CACNG4: variants seen among roughly 807,000 people sequenced by gnomAD.
CACNG4 encodes the protein calcium voltage-gated channel auxiliary subunit gamma 4, also known as voltage-dependent calcium channel gamma-4 subunit.
In CACNG4, 8 loss-of-function variants were observed where a neutral mutation model predicts 22.9. The observed-to-expected ratio is 0.35, with a 90% CI of 0.21 to 0.63. The LOEUF (loss-of-function observed/expected upper bound fraction) is 0.63, where lower values mean the gene tolerates loss of function less well. Ranked by LOEUF, CACNG4 falls within the 30% of genes least tolerant of loss-of-function variation. The probability of loss-of-function intolerance (pLI) is 0.72; values close to 1 mark genes in which losing one functional copy is unlikely to be tolerated. For synonymous variants in CACNG4, 188 were observed against 191.9 expected (o/e 0.98, Z 0.17); for missense variants, 357 against 455.4 (o/e 0.78, Z 1.97).
At chr17:66,989,318 T>C (rs9900980) in intron 1 of CACNG4, among the ~76,000 whole-genome samples, 30,618 of 150,672 alleles carry the variant, frequency 0.2, 6,308 homozygotes, top group African/African-American at 0.5. Context: ...TAGACTGGGT[T>C]CTTATAAAAA....
At chr17:67,021,957 A>G (rs551542632) in intron 2 of CACNG4, among the ~76,000 whole-genome samples, 1 of 152,294 alleles carries the variant, frequency 6.6e-6, no homozygotes, top group Admixed American at 6.5e-5. Context: ...TGGCATCTGC[A>G]CATCCACAGC....
intron 2 of CACNG4, among the ~76,000 whole-genome samples, chr17:67,023,297 A>T (rs2035543052): frequency 1.0e-5 from 1 of 98,364 alleles, no homozygotes; most frequent in Admixed American, 1.3e-4. Flanking sequence ...TTTTTTTGAG[A>T]CAGAGTCTCG....
chr17:67,006,538 T>C (rs1042798995), intron 1 of CACNG4, among the ~76,000 whole-genome samples: 1 of 152,074 alleles, frequency 6.6e-6, no homozygotes, highest in African/African-American at 2.4e-5. Flanking sequence ...TGGGCCGCCA[T>C]ATGCCAAGTA....
intron 2 of CACNG4, among the ~76,000 whole-genome samples, chr17:67,019,022 C>G (rs1249615976): frequency 6.6e-6 from 1 of 152,104 alleles, no homozygotes; most frequent in African/African-American, 2.4e-5. Context: ...CAGGGAGGAG[C>G]CTGCAAATAG....
In CACNG4 at chr17:67,032,219, C is replaced by G. The variant is rs542792139; in HGVS notation, c.*1215C>G. On this transcript the variant is annotated 3_prime_UTR_variant, in exon 4 of 4. Transcript: ENST00000262138. ...CCTCCCTACAGAGGGGAGATCTCAGCACTTTGTCCGGAGCTGAGGAAGTGG... is the reference window on the plus strand; with the variant it reads ...CCTCCCTACAGAGGGGAGATCTCAGGACTTTGTCCGGAGCTGAGGAAGTGG... The G allele has an allele frequency of 2.8e-6, 1 of 352,034 alleles. No individual in the cohort carries two copies. The highest frequency in any genetic ancestry group is 7.5e-5 in the East Asian group (1 of 13,346). The allele number at this position is 352,034 out of a possible 1,614,324, so 21.8% of individuals were successfully genotyped here. A position where few individuals can be genotyped will look rare whatever the true frequency, so the allele number is the denominator to read the frequency against.
At chr17:67,012,832 G>A (rs1003765105) in intron 1 of CACNG4, among the ~76,000 whole-genome samples, 1 of 152,228 alleles carries the variant, frequency 6.6e-6, no homozygotes, top group Admixed American at 6.5e-5. Flanking sequence ...AGGCCAAGAG[G>A]TACGAGGTGG....
chr17:67,016,384 G>A lies in CACNG4; in HGVS notation c.221-1805G>A, dbSNP rs75028117. Among the ~76,000 whole-genome samples the A allele has an allele frequency of 8.3e-3, 1,260 of 152,196 alleles. 9 individuals carry two copies. The highest frequency in any genetic ancestry group is 0.024 in the African/African-American group (1,006 of 41,520). ...GGGCCCATGGACCTTCAGGAATCAG[G>A]GTTGTCACTGAACACTCCAGCTCCT... On this transcript the variant is annotated intron_variant, in intron 1 of 3. Transcript: ENST00000262138.
At position 66,990,120 on chromosome 17, in the gene CACNG4, T is replaced by G. The variant is rs554132528; in HGVS notation, c.220+24989T>G. Among the ~76,000 whole-genome samples, 12 of 152,320 alleles carry G rather than the reference T, an allele frequency of 7.9e-5. No homozygotes were observed. The South Asian group carries it at 1.9e-3, about 24-fold the overall frequency. On this transcript the variant is annotated intron_variant, in intron 1 of 3. Coordinates refer to ENST00000262138, the MANE Select transcript of CACNG4 (RefSeq NM_014405.4). ...CTGCTTAAGTCTTCAAGGATGCAAT[T>G]GAGATATTTGCCAGGCGGCTTCCCT...
At position 67,031,924 on chromosome 17, in the gene CACNG4, C is replaced by T. The variant is rs2035609923; in HGVS notation, c.*920C>T. Reference sequence around the variant, plus strand: ...CCTCCCTCCAACTGGCATTTGGCAACAGGAGCCTGGACTTCTGTGCAAGAA... The same window carrying T: ...CCTCCCTCCAACTGGCATTTGGCAATAGGAGCCTGGACTTCTGTGCAAGAA... On this transcript the variant is annotated 3_prime_UTR_variant, in exon 4 of 4. Transcript: ENST00000262138. The surrounding 1 kb of genome is among the most constrained non-coding windows in gnomAD (Gnocchi z 4.0). 2 of 456,592 alleles carry T rather than the reference C, an allele frequency of 4.4e-6. No individual in the cohort carries two copies. Among genetic ancestry groups the T allele is most frequent in the Non-Finnish European group, 8.8e-6 (2 of 226,992 alleles). The allele number at this position is 456,592 out of a possible 1,614,324, so 28.3% of individuals were successfully genotyped here.
chr17:67,018,085 A>G lies in CACNG4; in HGVS notation c.221-104A>G, dbSNP rs146998809. Reference sequence around the variant, plus strand: ...CTGCCTTTCTTCTCTGTCTGTCCCCAGGACCTGCACAGAGGCTCACACACA... The same window carrying G: ...CTGCCTTTCTTCTCTGTCTGTCCCCGGGACCTGCACAGAGGCTCACACACA... On this transcript the variant is annotated intron_variant, in intron 1 of 3. Coordinates refer to ENST00000262138, the MANE Select transcript of CACNG4 (RefSeq NM_014405.4). 210 of 833,356 alleles carry G rather than the reference A, an allele frequency of 2.5e-4. 2 individuals are homozygous for G. In the East Asian group the frequency reaches 5.2e-3, roughly 21 times the overall value. 51.6% of individuals were successfully genotyped at this position (833,356 alleles called of 1,614,324 possible). A position where few individuals can be genotyped will look rare whatever the true frequency, so the allele number is the denominator to read the frequency against.
intron 1 of CACNG4, among the ~76,000 whole-genome samples, chr17:67,003,011 G>A (rs79490892): frequency 0.043 from 6,472 of 152,094 alleles, 308 homozygotes; most frequent in East Asian, 0.23. Flanking sequence ...AGTATTATGG[G>A]TATATGTGGA....
rs529231772 is a variant in CACNG4, at chr17:67,016,684, C to T, written c.221-1505C>T. Among the ~76,000 whole-genome samples the T allele has an allele frequency of 2.6e-5, 4 of 152,306 alleles. No individual in the cohort carries two copies. The South Asian group carries it at 6.2e-4, about 24-fold the overall frequency. On this transcript the variant is annotated intron_variant, in intron 1 of 3. Transcript: ENST00000262138. ...CTTTGGTGTCAAGATGAGCTTGTGG[C>T]TCCCAGGCTGCAGGAGCAGGGGGGC...
At chr17:67,023,642 G>GCTCACTGCAACCTCCAC (rs1413345147) in intron 2 of CACNG4, among the ~76,000 whole-genome samples, 1 of 149,020 alleles carries the variant, frequency 6.7e-6, no homozygotes, top group East Asian at 2.0e-4. Context: ...CGCAATCTCA[G>GCTCACTGCAACCTCCAC]CTCACTGCAA....
At position 66,964,996 on chromosome 17, in the gene CACNG4, G is replaced by T; in HGVS notation, c.85G>T (p.Gly29Cys). The change falls in exon 1 of 4, where the codon GGC becomes TGC. Residue 29 changes from glycine to cysteine, a missense_variant. Transcript: ENST00000262138. ...AAFSLMAIAI[G>C]TDYWLYSSAH... ...CTTCTCGCTCATGGCCATCGCCATC[G>T]GCACCGACTACTGGCTGTACTCCAG... The T allele has an allele frequency of 6.2e-7, 1 of 1,611,458 alleles. No homozygotes were observed. Among genetic ancestry groups the T allele is most frequent in the South Asian group, 1.1e-5 (1 of 91,044 alleles).
intron 1 of CACNG4, among the ~76,000 whole-genome samples, chr17:66,990,331 T>A (rs564197548): frequency 6.6e-6 from 1 of 152,334 alleles, no homozygotes; most frequent in South Asian, 2.1e-4. Context: ...TTTGTTTTTT[T>A]CCAGGCCAAC....
chr17:66,977,154 G>A (rs2143283468), intron 1 of CACNG4, among the ~76,000 whole-genome samples: 1 of 152,272 alleles, frequency 6.6e-6, no homozygotes, highest in African/African-American at 2.4e-5. Context: ...GTAGAGTCCT[G>A]ACTGGTCACT....
chr17:66,983,031 G>A (rs776860792), intron 1 of CACNG4, among the ~76,000 whole-genome samples: 5 of 152,168 alleles, frequency 3.3e-5, no homozygotes, highest in African/African-American at 4.8e-5. Context: ...CCAAGGCCCC[G>A]GAGCCAACAA....
At chr17:66,975,133 G>A (rs740559) in intron 1 of CACNG4, among the ~76,000 whole-genome samples, 73,013 of 152,030 alleles carry the variant, frequency 0.48, 17,914 homozygotes, top group Middle Eastern at 0.56. Context: ...CATTTCTGAA[G>A]GAGAATGTGG....
At chr17:66,997,081 T>G (rs543252605) in intron 1 of CACNG4, among the ~76,000 whole-genome samples, 2 of 152,180 alleles carry the variant, frequency 1.3e-5, no homozygotes, top group East Asian at 3.9e-4. Context: ...ATGACCAAAC[T>G]CTATGCTGTG....
Sources: allele counts gnomAD v4.1 joint callset (sites outside exome capture counted in the v4.1 genomes callset), GRCh38; gene constraint gnomAD v4.1.1; non-coding constraint Gnocchi (gnomAD v3.1); transcripts MANE v1.5; gene names NCBI Gene and HGNC (gene_info 2026-07-23, HGNC 2026-07-21).